Variants in LDAF1 observed in about 807,000 individuals in gnomAD.
LDAF1 encodes the protein lipid droplet assembly factor 1.
A neutral mutation model predicts 13.5 loss-of-function variants in LDAF1; 7 were observed. The ratio of observed to expected loss-of-function variants is 0.52; its 90% CI spans 0.29 to 0.97. The LOEUF is 0.97. Ranked by LOEUF, LDAF1 falls within the 50% of genes least tolerant of loss-of-function variation. The probability of loss-of-function intolerance (pLI) is 0.07; values close to 1 mark genes in which losing one functional copy is unlikely to be tolerated. For missense variants in LDAF1, 148 were observed against 193.2 expected (o/e 0.77, Z 1.39); for synonymous variants, 69 against 77.1 (o/e 0.89, Z 0.55).
At chr16:21,178,223 G>A (rs2093156533) in intron 4 of LDAF1, 1 of 985,234 alleles carries the variant, frequency 1.0e-6, no homozygotes, top group Non-Finnish European at 1.2e-6. Flanking sequence ...TATGGAGACT[G>A]CAAGACCTTC....
chr16:21,161,384 CA>C, intron 2 of LDAF1, 106 bp downstream of exon 2: 1 of 1,381,230 alleles, frequency 7.2e-7, no homozygotes, highest in Non-Finnish European at 9.7e-7. Flanking sequence ...GGAGGTAAGT[CA>C]AGAATCTTTC....
rs779048546 is a variant in LDAF1 at position 21,161,188 on chromosome 16, A to G, written c.6A>G (p.Ala2=). The G allele has an allele frequency of 1.2e-6, 2 of 1,614,150 alleles. No homozygotes were observed. Among genetic ancestry groups the G allele is most frequent in the African/African-American group, 1.3e-5 (1 of 75,060 alleles). M[A]KEEPQSISRD... is the part of the protein sequence containing the mutation. ...AGATTGAAGTGAGCTTCAGAATGGC[A>G]AAAGAGGAGCCCCAGAGTATCTCAA... The change falls in exon 2 of 5, where the codon GCA becomes GCG. Residue 2 remains alanine (A), a synonymous_variant. Coordinates refer to ENST00000233047, the MANE Select transcript of LDAF1 (RefSeq NM_001301771.2).
chr16:21,163,991 C>T (rs563656738), intron 2 of LDAF1, among the ~76,000 whole-genome samples: 3 of 152,280 alleles, frequency 2.0e-5, no homozygotes, highest in South Asian at 2.1e-4. Flanking sequence ...CGTGAGCCAC[C>T]GCACCTGGCC....
Position 21,170,434 on chromosome 16 carries a change from C to T in LDAF1, c.97-3C>T. On this transcript the variant is annotated splice_region_variant and splice_polypyrimidine_tract_variant and intron_variant, in intron 2 of 4. Coordinates refer to ENST00000233047, the MANE Select transcript of LDAF1 (RefSeq NM_001301771.2). Reference sequence around the variant, plus strand: ...TCCCTGGCTCTTTGTCCTTTGCCTACAGGTGGTGGCCTTTATGAAGTCTCC... The same window carrying T: ...TCCCTGGCTCTTTGTCCTTTGCCTATAGGTGGTGGCCTTTATGAAGTCTCC... 1.2e-6 allele frequency: 2 copies of T among 1,614,152 alleles called. No individual in the cohort carries two copies. The highest frequency in any genetic ancestry group is 1.7e-6 in the Non-Finnish European group (2 of 1,180,020).
chr16:21,167,489 G>A (rs911613575), intron 2 of LDAF1, among the ~76,000 whole-genome samples: 12 of 152,202 alleles, frequency 7.9e-5, no homozygotes, highest in East Asian at 1.9e-4. Context: ...CCAGCTCTGC[G>A]TTAAAGCAGT....
At chr16:21,176,951 T>G (rs992301034) in intron 4 of LDAF1, among the ~76,000 whole-genome samples, 1 of 151,926 alleles carries the variant, frequency 6.6e-6, no homozygotes, top group African/African-American at 2.4e-5. Context: ...AAAAATTTTC[T>G]TCCTCATTGT....
chr16:21,173,439 T>A (rs1285641409), intron 3 of LDAF1: 1 of 152,332 alleles, frequency 6.6e-6, no homozygotes, highest in Non-Finnish European at 1.5e-5. Flanking sequence ...GCAGGCTGGT[T>A]GTGGTGGCTC....
rs1417287926 is a variant in LDAF1 at position 21,161,102 on chromosome 16, T to A, written c.-81T>A. On this transcript the variant is annotated 5_prime_UTR_variant, in exon 2 of 5. The change abolishes an upstream ATG in the 5' untranslated region. Coordinates refer to ENST00000233047, the MANE Select transcript of LDAF1 (RefSeq NM_001301771.2). ...GGTAACAGCAAGAGACAGAGCGACATGAGAGATTGGACCGCGGGCTGCACT... is the reference window on the plus strand; with the variant it reads ...GGTAACAGCAAGAGACAGAGCGACAAGAGAGATTGGACCGCGGGCTGCACT... 1.3e-6 allele frequency: 2 copies of A among 1,575,490 alleles called. No homozygotes were observed. Among genetic ancestry groups the A allele is most frequent in the African/African-American group, 2.7e-5 (2 of 73,408 alleles).
At chr16:21,178,199 C>T in intron 4 of LDAF1, 1 of 985,318 alleles carries the variant, frequency 1.0e-6, no homozygotes, top group Non-Finnish European at 1.2e-6. Context: ...AGGGGCAAAA[C>T]CACACTGCTT....
At chr16:21,162,134 C>T (rs1334000514) in intron 2 of LDAF1, among the ~76,000 whole-genome samples, 3 of 150,986 alleles carry the variant, frequency 2.0e-5, no homozygotes, top group African/African-American at 4.9e-5. Context: ...CCAGCCTGGG[C>T]GACAGAGCGA....
At chr16:21,172,061 T>C (rs1270169) in intron 3 of LDAF1, among the ~76,000 whole-genome samples, 152,024 of 152,060 alleles carry the variant, frequency 1, 75,995 homozygotes, top group Non-Finnish European at 1. Flanking sequence ...AATCTTACTT[T>C]CTTTATCAAA....
rs1422898352 is a variant in LDAF1 at position 21,159,251 on chromosome 16, CTAAG to C, written c.-99+508_-99+511del. 7 of 1,306,258 alleles carry C rather than the reference CTAAG, an allele frequency of 5.4e-6. No individual in the cohort carries two copies. In the Admixed American group the frequency reaches 1.0e-4, roughly 19 times the overall value. The allele number at this position is 1,306,258 out of a possible 1,614,324, so 80.9% of individuals were successfully genotyped here. A position where few individuals can be genotyped will look rare whatever the true frequency, so the allele number is the denominator to read the frequency against. On this transcript the variant is annotated intron_variant, in intron 1 of 4. Transcript: ENST00000233047. Reference sequence around the variant, plus strand: ...GGCTTCTTTACCCCCAAATTAATAACTAAGTACTCGACTCCCCTCTGAGTTCCCA... The same window carrying C: ...GGCTTCTTTACCCCCAAATTAATAACTACTCGACTCCCCTCTGAGTTCCCA...
At chr16:21,173,320 C>T (rs962032677) in intron 3 of LDAF1, 2 of 152,432 alleles carry the variant, frequency 1.3e-5, no homozygotes, top group African/African-American at 4.8e-5. Context: ...ATTTACCTCC[C>T]CCAGTACTGC....
At chr16:21,172,684 T>G in intron 3 of LDAF1, 1 of 168,450 alleles carries the variant, frequency 5.9e-6, no homozygotes, top group Non-Finnish European at 1.2e-5. Flanking sequence ...CCAGAGAGTG[T>G]TGTTTTAGTA....
chr16:21,170,378 C>T (rs1260246479), intron 2 of LDAF1, 59 bp from the exon 3 acceptor site: 64 of 1,602,384 alleles, frequency 4.0e-5, no homozygotes, highest in Non-Finnish European at 5.3e-5. Flanking sequence ...TGGGCAGATT[C>T]ATTCAACCTG....
chr16:21,177,127 C>T (rs1051507167), intron 4 of LDAF1: 3 of 152,062 alleles, frequency 2.0e-5, no homozygotes, highest in Non-Finnish European at 4.4e-5. Context: ...TATTATTTTA[C>T]ATTTTACAGA....
chr16:21,171,025 C>T (rs1203358672), intron 3 of LDAF1, among the ~76,000 whole-genome samples: 1 of 152,132 alleles, frequency 6.6e-6, no homozygotes, highest in Non-Finnish European at 1.5e-5. Flanking sequence ...TCCATAAAGT[C>T]CTTAGCACAA....
chr16:21,179,724 T>C lies in LDAF1; in HGVS notation c.*168T>C, dbSNP rs2093167198. ...CGCAGCAGCCAATTTAGGGATTGTG[T>C]TGTTCTTGTGTTGGTTCCCATGTAA... On this transcript the variant is annotated 3_prime_UTR_variant, in exon 5 of 5. Coordinates refer to ENST00000233047, the MANE Select transcript of LDAF1 (RefSeq NM_001301771.2). 1 of 591,734 alleles carries C rather than the reference T, an allele frequency of 1.7e-6. No homozygotes were observed. The highest frequency in any genetic ancestry group is 1.9e-5 in the African/African-American group (1 of 53,302). 36.7% of individuals were successfully genotyped at this position (591,734 alleles called of 1,614,324 possible).
At chr16:21,160,934 G>C (rs2092966855) in intron 1 of LDAF1, 151 bp from the exon 2 acceptor site, 2 of 898,264 alleles carry the variant, frequency 2.2e-6, no homozygotes, top group Admixed American at 7.7e-5. Context: ...ATAAATTCCT[G>C]GATTGAAGTG....
Sources: allele counts gnomAD v4.1 joint callset (sites outside exome capture counted in the v4.1 genomes callset), GRCh38; gene constraint gnomAD v4.1.1; transcripts MANE v1.5; gene names NCBI Gene and HGNC (gene_info 2026-07-23, HGNC 2026-07-21).